LOC400499: variants seen among roughly 807,000 people sequenced by gnomAD.
chr16:11,466,722 G>A, the LOC400499 span, among the ~76,000 whole-genome samples: 5 of 152,030 alleles, frequency 3.3e-5, no homozygotes, highest in Non-Finnish European at 7.4e-5. Flanking sequence ...TGTGCCACTG[G>A]CTACCATATG....
At chr16:11,448,606 A>T in the LOC400499 span, among the ~76,000 whole-genome samples, 2 of 152,194 alleles carry the variant, frequency 1.3e-5, no homozygotes, top group African/African-American at 2.4e-5. Flanking sequence ...ATGTGCCTAT[A>T]GTTCTAACTA....
the LOC400499 span, among the ~76,000 whole-genome samples, chr16:11,481,677 G>C: frequency 6.6e-6 from 1 of 151,054 alleles, no homozygotes; most frequent in Non-Finnish European, 1.5e-5. Flanking sequence ...CTGTCACTCA[G>C]GCTGGAGTGC....
At chr16:11,455,654 G>C in the LOC400499 span, among the ~76,000 whole-genome samples, 1 of 150,870 alleles carries the variant, frequency 6.6e-6, no homozygotes, top group Non-Finnish European at 1.5e-5. Flanking sequence ...AGAAGAGCTT[G>C]AGTCTTGGAT....
At chr16:11,443,584 C>T in the LOC400499 span, 2 of 315,246 alleles carry the variant, frequency 6.3e-6, no homozygotes, top group Admixed American at 9.0e-5. Context: ...CCCAGAGTAT[C>T]AACTCCTCCT....
At chr16:11,492,215 G>C in the LOC400499 span, among the ~76,000 whole-genome samples, 2,892 of 151,900 alleles carry the variant, frequency 0.019, 72 homozygotes, top group East Asian at 0.14. Flanking sequence ...TCCCCACATT[G>C]TGACTCCCTC....
chr16:11,390,201 G>A, the LOC400499 span: 5 of 1,232,480 alleles, frequency 4.1e-6, no homozygotes, highest in Admixed American at 4.2e-5. Context: ...CTGTTGGGCG[G>A]CCTGGAGAGG....
At chr16:11,432,405 C>T in the LOC400499 span, among the ~76,000 whole-genome samples, 5 of 152,328 alleles carry the variant, frequency 3.3e-5, no homozygotes, top group African/African-American at 1.2e-4. Context: ...TGACTCCTTA[C>T]AAAAGCCCTG....
At chr16:11,453,009 C>T in the LOC400499 span, among the ~76,000 whole-genome samples, 1 of 152,142 alleles carries the variant, frequency 6.6e-6, no homozygotes, top group East Asian at 1.9e-4. Context: ...CTCACTTTCT[C>T]CACTTTTATT....
chr16:11,421,079 G>T, the LOC400499 span, among the ~76,000 whole-genome samples: 1,226 of 152,292 alleles, frequency 8.1e-3, 13 homozygotes, highest in African/African-American at 0.028. Flanking sequence ...GCCTCTGCTG[G>T]TGTCACCGCT....
chr16:11,383,539 C>CAA, the LOC400499 span: 1 of 1,167,974 alleles, frequency 8.6e-7, no homozygotes, highest in Non-Finnish European at 1.1e-6. Flanking sequence ...CCTTGAATGA[C>CAA]AATTATTTGT....
chr16:11,510,984 A>G, the LOC400499 span, among the ~76,000 whole-genome samples: 1 of 151,106 alleles, frequency 6.6e-6, no homozygotes, highest in African/African-American at 2.5e-5. Context: ...GTGCTTAGCT[A>G]AAGGCAATGA....
the LOC400499 span, chr16:11,449,002 GGCT>G: frequency 1.3e-6 from 2 of 1,524,616 alleles, no homozygotes; most frequent in East Asian, 4.9e-5. Flanking sequence ...TTACGGTCCC[GGCT>G]GTTCTCAGCA....
the LOC400499 span, among the ~76,000 whole-genome samples, chr16:11,381,492 C>G: frequency 2.6e-5 from 4 of 152,284 alleles, no homozygotes; most frequent in East Asian, 7.7e-4. Context: ...ACATTTTTCC[C>G]AATCTGTAGC....
the LOC400499 span, among the ~76,000 whole-genome samples, chr16:11,505,717 G>C: frequency 1.1e-4 from 16 of 151,776 alleles, no homozygotes; most frequent in African/African-American, 3.9e-4. Context: ...CCAAAGTGCT[G>C]TGTTTACAGG....
At chr16:11,372,648 A>C in the LOC400499 span, 1 of 657,166 alleles carries the variant, frequency 1.5e-6, no homozygotes, top group Non-Finnish European at 1.9e-6. Context: ...CCAGCCATGA[A>C]TCTTGTCATT....
At chr16:11,504,103 C>T in the LOC400499 span, among the ~76,000 whole-genome samples, 2 of 152,194 alleles carry the variant, frequency 1.3e-5, no homozygotes, top group Non-Finnish European at 2.9e-5. Flanking sequence ...AAGTGTTACC[C>T]TGAGAATGCG....
At chr16:11,387,152 T>C in the LOC400499 span, 2 of 1,232,152 alleles carry the variant, frequency 1.6e-6, no homozygotes, top group Non-Finnish European at 2.0e-6. Context: ...GAGCCAGTAG[T>C]ACTCAGCCAG....
the LOC400499 span, chr16:11,446,578 C>T: frequency 5.7e-5 from 88 of 1,535,912 alleles, no homozygotes; most frequent in Non-Finnish European, 7.5e-5. Context: ...AACCAGGCAC[C>T]CCTCTGTGTT....
At chr16:11,385,479 C>T in the LOC400499 span, 1 of 1,108,586 alleles carries the variant, frequency 9.0e-7, no homozygotes. Flanking sequence ...CAGTAGGAGC[C>T]CAATGCCTGC....
Sources: allele counts gnomAD v4.1 joint callset (sites outside exome capture counted in the v4.1 genomes callset), GRCh38; gene constraint gnomAD v4.1.1; transcripts MANE v1.5.